Variants in CNTNAP5 observed in about 807,000 individuals in gnomAD.
CNTNAP5 encodes contactin-associated protein-like 5.
Under a neutral mutation model 150.2 loss-of-function variants are expected in CNTNAP5, and 72 were observed. The ratio of observed to expected loss-of-function variants is 0.48; its 90% CI spans 0.40 to 0.58. The LOEUF (loss-of-function observed/expected upper bound fraction) is 0.58, where lower values mean the gene tolerates loss of function less well. Among genes scored for constraint, CNTNAP5 ranks in the 20% least tolerant of loss-of-function variants. The pLI is 0.00. For synonymous variants in CNTNAP5, 672 were observed against 619.8 expected (o/e 1.08, Z -1.25); for missense variants, 1,636 against 1,626.2 (o/e 1.01, Z -0.10).
At chr2:124,584,308 G>A (rs1696481334) in intron 11 of CNTNAP5, among the ~76,000 whole-genome samples, 2 of 152,038 alleles carry the variant, frequency 1.3e-5, no homozygotes, top group East Asian at 1.9e-4. Context: ...TCCTGCTGGT[G>A]GTCATGAAGT....
chr2:124,275,050 G>A (rs545271057), intron 3 of CNTNAP5, among the ~76,000 whole-genome samples: 1 of 152,236 alleles, frequency 6.6e-6, no homozygotes, highest in Admixed American at 6.5e-5. Context: ...GACAGTGTCA[G>A]GCAAAGAGAG....
At chr2:124,891,458 C>A (rs931622689) in intron 21 of CNTNAP5, among the ~76,000 whole-genome samples, 1 of 152,042 alleles carries the variant, frequency 6.6e-6, no homozygotes, top group Non-Finnish European at 1.5e-5. Context: ...CAGTGAAGGG[C>A]GTGATGACGA....
At chr2:124,558,432 T>TTCGGTTTGGGTGCACAAAGTTTGG (rs11273535) in intron 10 of CNTNAP5, among the ~76,000 whole-genome samples, 1 of 151,912 alleles carries the variant, frequency 6.6e-6, no homozygotes, top group Non-Finnish European at 1.5e-5. Flanking sequence ...GATTGGAAAG[T>TTCGGTTTGGGTGCACAAAGTTTGG]AATATCTATT....
At chr2:124,108,533 C>T (rs1026151871) in intron 1 of CNTNAP5, among the ~76,000 whole-genome samples, 1 of 152,092 alleles carries the variant, frequency 6.6e-6, no homozygotes, top group Non-Finnish European at 1.5e-5. Context: ...AGAGTTTGCA[C>T]GTATGATACT....
chr2:124,673,747 G>A (rs28667510), intron 13 of CNTNAP5, among the ~76,000 whole-genome samples: 37,611 of 149,692 alleles, frequency 0.25, 5,093 homozygotes, highest in African/African-American at 0.36. Flanking sequence ...AGTAATTTCT[G>A]CAGAGTCCTA....
At chr2:124,253,394 C>T (rs1687233892) in intron 3 of CNTNAP5, among the ~76,000 whole-genome samples, 1 of 151,982 alleles carries the variant, frequency 6.6e-6, no homozygotes, top group Non-Finnish European at 1.5e-5. Flanking sequence ...ATCTTGATTT[C>T]TTCTTATCTA....
At chr2:124,897,691 C>T (rs1840207) in intron 21 of CNTNAP5, among the ~76,000 whole-genome samples, 1 of 151,098 alleles carries the variant, frequency 6.6e-6, no homozygotes, top group East Asian at 1.9e-4. Context: ...AAAAGTGTCA[C>T]GCATAGCATA....
intron 1 of CNTNAP5, among the ~76,000 whole-genome samples, chr2:124,054,676 G>C (rs990922270): frequency 5.9e-5 from 9 of 152,088 alleles, no homozygotes; most frequent in African/African-American, 2.2e-4. Context: ...CGTGGATCTT[G>C]GTAACCCATG....
intron 8 of CNTNAP5, among the ~76,000 whole-genome samples, chr2:124,522,150 T>C (rs1694859899): frequency 6.6e-6 from 1 of 152,182 alleles, no homozygotes; most frequent in South Asian, 2.1e-4. Context: ...GGGCAGCCTC[T>C]CCAGCCAACT....
chr2:124,562,526 A>T (rs1248022044), intron 10 of CNTNAP5, among the ~76,000 whole-genome samples: 3 of 152,226 alleles, frequency 2.0e-5, no homozygotes, highest in Admixed American at 2.0e-4. Context: ...TTTGAACAAT[A>T]GCCTTAAGAC....
intron 11 of CNTNAP5, among the ~76,000 whole-genome samples, chr2:124,603,551 C>G (rs1697032763): frequency 6.6e-6 from 1 of 152,180 alleles, no homozygotes; most frequent in East Asian, 1.9e-4. Flanking sequence ...GGATGATTTT[C>G]AAATTCTATT....
intron 3 of CNTNAP5, among the ~76,000 whole-genome samples, chr2:124,245,327 C>T (rs1057488061): frequency 3.9e-5 from 6 of 152,050 alleles, no homozygotes; most frequent in Non-Finnish European, 7.4e-5. Flanking sequence ...CATCAGATTA[C>T]GCTGCTGGAT....
chr2:124,581,759 G>A (rs1016722253), intron 11 of CNTNAP5, among the ~76,000 whole-genome samples: 3 of 152,180 alleles, frequency 2.0e-5, no homozygotes, highest in African/African-American at 7.2e-5. Context: ...AGAAATGTGA[G>A]GTGAAGCCCG....
At chr2:124,140,356 A>T (rs1204114774) in intron 1 of CNTNAP5, among the ~76,000 whole-genome samples, 3 of 151,802 alleles carry the variant, frequency 2.0e-5, no homozygotes, top group Non-Finnish European at 4.4e-5. Context: ...AAACAAAAAA[A>T]CAGCAGTAAC....
rs574018189 is a variant in CNTNAP5, at chr2:124,202,434, A to G, written c.83-19271A>G. Among the ~76,000 whole-genome samples the G allele has an allele frequency of 2.0e-5, 3 of 152,182 alleles. No individual in the cohort carries two copies. In the South Asian group the frequency reaches 6.2e-4, roughly 32 times the overall value. Reference sequence around the variant, plus strand: ...TATCTTGGGATGTCTTTAGTAGTGTAATGTTAATGAATAAATCCATCCTGC... The same window carrying G: ...TATCTTGGGATGTCTTTAGTAGTGTGATGTTAATGAATAAATCCATCCTGC... On this transcript the variant is annotated intron_variant, in intron 1 of 23. Coordinates refer to ENST00000682447, the MANE Select transcript of CNTNAP5 (RefSeq NM_001367498.1).
rs144174686 is a variant in CNTNAP5, at chr2:124,150,836, G to C, written c.83-70869G>C. On this transcript the variant is annotated intron_variant, in intron 1 of 23. Transcript: ENST00000682447. ...TTAAGGCTTCAATATGTGCATTTGT[G>C]GGGGGCACAAACATTTAGTCCGTAG... Among the ~76,000 whole-genome samples, 865 of 152,176 alleles carry C rather than the reference G, an allele frequency of 5.7e-3. 10 individuals carry two copies. The highest frequency in any genetic ancestry group is 0.019 in the African/African-American group (792 of 41,532).
chr2:124,356,411 A>C (rs1158326867), intron 3 of CNTNAP5, among the ~76,000 whole-genome samples: 5 of 149,136 alleles, frequency 3.4e-5, no homozygotes, highest in East Asian at 2.1e-4. Context: ...CACCCACTAA[A>C]TCGTCATCTA....
chr2:124,337,854 C>G (rs1304891256), intron 3 of CNTNAP5, among the ~76,000 whole-genome samples: 2 of 152,008 alleles, frequency 1.3e-5, no homozygotes, highest in South Asian at 4.2e-4. Context: ...CTTGGTGATG[C>G]GGGCTCTTTT....
intron 6 of CNTNAP5, among the ~76,000 whole-genome samples, chr2:124,448,596 C>T (rs1308378324): frequency 6.6e-6 from 1 of 152,118 alleles, no homozygotes; most frequent in Admixed American, 6.6e-5. Context: ...TTGTTTTGTG[C>T]ATTGTCTAGA....
Sources: gnomAD v4.1 joint callset for allele counts (sites outside exome capture counted in the v4.1 genomes callset) on GRCh38, gnomAD v4.1.1 for gene constraint, MANE v1.5 for transcripts, NCBI Gene and HGNC (gene_info 2026-07-23, HGNC 2026-07-21) for gene names.